The following DENND1B variants were observed in gnomAD, a reference collection of about 807,000 sequenced individuals.
The protein encoded by DENND1B is DENN domain-containing protein 1B.
DENND1B carries 59 observed loss-of-function variants against 90.1 expected under a neutral mutation model. The observed-to-expected ratio is 0.65, with a 90% CI of 0.53 to 0.81. The LOEUF is 0.81. DENND1B is among the 40% of genes least tolerant of loss of function. DENND1B has a pLI of 0.00. For missense variants in DENND1B, 862 were observed against 912.6 expected, an observed-to-expected ratio of 0.94 and a Z score of 0.71; for synonymous variants, 337 against 324.6, an observed-to-expected ratio of 1.04 and a Z score of -0.41.
chr1:197,724,304 G>T (rs1488288411), intron 2 of DENND1B, among the ~76,000 whole-genome samples: 9 of 151,816 alleles, frequency 5.9e-5, no homozygotes, highest in Non-Finnish European at 1.0e-4. Flanking sequence ...AAACATCAAA[G>T]AACCAAATTA....
intron 15 of DENND1B, among the ~76,000 whole-genome samples, chr1:197,582,060 T>C (rs1030006364): frequency 6.6e-6 from 1 of 152,154 alleles, no homozygotes; most frequent in Non-Finnish European, 1.5e-5. Context: ...CTCTATTTTT[T>C]GGAAATTCAC....
chr1:197,697,110 A>T (rs1658514843), intron 3 of DENND1B, among the ~76,000 whole-genome samples: 1 of 151,182 alleles, frequency 6.6e-6, no homozygotes, highest in South Asian at 2.1e-4. Flanking sequence ...AGGAAAAGAA[A>T]CAAAACCTAA....
intron 7 of DENND1B, among the ~76,000 whole-genome samples, chr1:197,647,995 ACTTGAAAC>A (rs1415241315): frequency 2.6e-5 from 4 of 152,052 alleles, no homozygotes; most frequent in African/African-American, 4.8e-5. Context: ...GGTATACAAG[ACTTGAAAC>A]TATAAGACTA....
In DENND1B at chr1:197,775,119, G is replaced by A. The variant is rs963191886; in HGVS notation, c.17+20C>T. ...GCCGAGGGACGCCCGCCCCCGACGC[G>A]CCCGGGCCCCCCCACTCACTTGGTC... On this transcript the variant is annotated intron_variant, in intron 1 of 22. Coordinates refer to ENST00000620048, the MANE Select transcript of DENND1B (RefSeq NM_001195215.2). 3 of 1,272,836 alleles carry A rather than the reference G, an allele frequency of 2.4e-6. No homozygotes were observed. The highest frequency in any genetic ancestry group is 3.0e-6 in the Non-Finnish European group (3 of 996,712). The allele number at this position is 1,272,836 out of a possible 1,614,324, so 78.8% of individuals were successfully genotyped here.
intron 2 of DENND1B, chr1:197,747,015 C>A: frequency 1.1e-6 from 1 of 870,306 alleles, no homozygotes; most frequent in Non-Finnish European, 2.0e-6. Context: ...CAACATTTTT[C>A]CTTTTAACAT....
At position 197,548,238 on chromosome 1, in the gene DENND1B, T is replaced by C. The variant is rs567796261; in HGVS notation, c.1241-1465A>G. Reference sequence around the variant, plus strand: ...CATCGCATGTTTTTATCTACATTATTTGAACTGTACTTTTCTACTGTAAAA... The same window carrying C: ...CATCGCATGTTTTTATCTACATTATCTGAACTGTACTTTTCTACTGTAAAA... On this transcript the variant is annotated intron_variant, in intron 16 of 22. Transcript: ENST00000620048. Among the ~76,000 whole-genome samples, 4 of 152,338 alleles carry C rather than the reference T, an allele frequency of 2.6e-5. No homozygotes were observed. In the East Asian group the frequency reaches 7.7e-4, roughly 29 times the overall value.
intron 13 of DENND1B, among the ~76,000 whole-genome samples, chr1:197,596,488 C>T (rs1203499940): frequency 6.6e-6 from 1 of 151,852 alleles, no homozygotes. Context: ...AGAAAAAAAA[C>T]TGGTACGACA....
chr1:197,567,955 G>A (rs895136667), intron 15 of DENND1B, among the ~76,000 whole-genome samples: 1 of 150,448 alleles, frequency 6.6e-6, no homozygotes, highest in African/African-American at 2.4e-5. Context: ...AGCAATTCAT[G>A]AGGAAATAGA....
intron 9 of DENND1B, among the ~76,000 whole-genome samples, chr1:197,645,069 T>C (rs1270886005): frequency 6.6e-6 from 1 of 152,086 alleles, no homozygotes; most frequent in Non-Finnish European, 1.5e-5. Flanking sequence ...TACTAATGTG[T>C]AATAACTATT....
intron 14 of DENND1B, among the ~76,000 whole-genome samples, chr1:197,586,843 A>C (rs1472526332): frequency 6.6e-6 from 1 of 152,152 alleles, no homozygotes. Context: ...ACTGTATCAC[A>C]GAGTTAATCC....
At chr1:197,772,153 G>T (rs1426754473) in intron 2 of DENND1B, among the ~76,000 whole-genome samples, 1 of 152,108 alleles carries the variant, frequency 6.6e-6, no homozygotes, top group African/African-American at 2.4e-5. Flanking sequence ...GAAGGGAAGT[G>T]GTGTAGTTTC....
At chr1:197,773,756 T>C (rs1056368929) in intron 1 of DENND1B, among the ~76,000 whole-genome samples, 4 of 152,236 alleles carry the variant, frequency 2.6e-5, no homozygotes, top group African/African-American at 9.6e-5. Context: ...TGAAATATAC[T>C]GAGACACTTT....
chr1:197,583,081 T>A, intron 15 of DENND1B, 71 bp downstream of exon 15: 1 of 1,400,482 alleles, frequency 7.1e-7, no homozygotes, highest in Non-Finnish European at 1.0e-6. Flanking sequence ...GTACATAGTT[T>A]TATAGTAATA....
intron 2 of DENND1B, among the ~76,000 whole-genome samples, chr1:197,761,166 G>A (rs1442534499): frequency 2.6e-5 from 4 of 151,866 alleles, no homozygotes; most frequent in African/African-American, 9.7e-5. Context: ...CTCAAGTCTT[G>A]AAGTAATAAG....
intron 10 of DENND1B, among the ~76,000 whole-genome samples, chr1:197,641,687 T>C (rs1163070516): frequency 1.3e-5 from 2 of 152,096 alleles, no homozygotes; most frequent in African/African-American, 4.8e-5. Context: ...ACCCAAAAAT[T>C]AGAATCAAAA....
rs1388311812 is a variant in DENND1B, at chr1:197,506,171, A to C, written c.*4289T>G. 1.3e-5 allele frequency: 2 copies of C among 151,684 alleles called. No homozygotes were observed. Among genetic ancestry groups the C allele is most frequent in the East Asian group, 1.9e-4 (1 of 5,162 alleles). The allele number at this position is 151,684 out of a possible 1,614,324, so 9.4% of individuals were successfully genotyped here. A position where few individuals can be genotyped will look rare whatever the true frequency, so the allele number is the denominator to read the frequency against. ...AAAAACAGATGTACATATTTATATG[A>C]ACTAAGTTATGCAAGAAAAATTATT... On this transcript the variant is annotated 3_prime_UTR_variant, in exon 23 of 23. Coordinates refer to ENST00000620048, the MANE Select transcript of DENND1B (RefSeq NM_001195215.2).
At chr1:197,755,734 C>T (rs2477064) in intron 2 of DENND1B, among the ~76,000 whole-genome samples, 4,021 of 152,192 alleles carry the variant, frequency 0.026, 177 homozygotes, top group African/African-American at 0.092. Context: ...CTCACAACCA[C>T]GGTGGAAGGC....
At position 197,770,480 on chromosome 1, in the gene DENND1B, G is replaced by A. The variant is rs547333279; in HGVS notation, c.82+2388C>T. On this transcript the variant is annotated intron_variant, in intron 2 of 22. Transcript: ENST00000620048. ...TTTATAAGAAGACCACAATCTCTCT[G>A]ACACATGCATAGATTGGGTGTTATA... Among the ~76,000 whole-genome samples, 88 of 151,800 alleles carry A rather than the reference G, an allele frequency of 5.8e-4. 1 individual carries two copies. Among genetic ancestry groups the A allele is most frequent in the African/African-American group, 2.1e-3 (85 of 41,436 alleles).
intron 10 of DENND1B, among the ~76,000 whole-genome samples, chr1:197,627,644 C>G (rs1300883664): frequency 6.6e-6 from 1 of 152,000 alleles, no homozygotes; most frequent in African/African-American, 2.4e-5. Context: ...TCTCTCACCA[C>G]TCCTATTCAA....
Sources: allele counts gnomAD v4.1 joint callset (sites outside exome capture counted in the v4.1 genomes callset), GRCh38; gene constraint gnomAD v4.1.1; transcripts MANE v1.5; gene names NCBI Gene and HGNC (gene_info 2026-07-23, HGNC 2026-07-21).